PTPRM: variants seen among roughly 807,000 people sequenced by gnomAD.
PTPRM encodes the protein protein tyrosine phosphatase receptor type M, also known as receptor-type tyrosine-protein phosphatase mu.
A neutral mutation model predicts 186.7 loss-of-function variants in PTPRM; 47 were observed. The observed-to-expected ratio is 0.25, with a 90% CI of 0.20 to 0.32. The LOEUF (loss-of-function observed/expected upper bound fraction) is 0.32, where lower values mean the gene tolerates loss of function less well. Among genes scored for constraint, PTPRM ranks in the 10% least tolerant of loss-of-function variants. The pLI is 1.00. For synonymous variants in PTPRM, 668 were observed against 674.9 expected (o/e 0.99, Z 0.16); for missense variants, 1,494 against 1,865.0 (o/e 0.80, Z 3.66).
At chr18:8,212,963 G>T (rs371413382) in intron 14 of PTPRM, among the ~76,000 whole-genome samples, 1 of 152,088 alleles carries the variant, frequency 6.6e-6, no homozygotes, top group African/African-American at 2.4e-5. Flanking sequence ...CATCTGCTGG[G>T]TTTCATGCAG....
chr18:8,108,157 C>T (rs1393239534), intron 11 of PTPRM, among the ~76,000 whole-genome samples: 1 of 151,990 alleles, frequency 6.6e-6, no homozygotes, highest in African/African-American at 2.4e-5. Flanking sequence ...TTCATCTCCC[C>T]CCATATTAAT....
chr18:7,856,796 A>G (rs1242280002), intron 2 of PTPRM, among the ~76,000 whole-genome samples: 2 of 151,706 alleles, frequency 1.3e-5, no homozygotes, highest in Non-Finnish European at 2.9e-5. Flanking sequence ...CACTACTGTT[A>G]TCTCCATATC....
intron 23 of PTPRM, among the ~76,000 whole-genome samples, chr18:8,355,687 A>C (rs895011100): frequency 3.9e-5 from 6 of 152,216 alleles, no homozygotes; most frequent in African/African-American, 1.4e-4. Flanking sequence ...GTGTTTTCAG[A>C]CTGATGGCCT....
At chr18:7,807,712 A>G (rs2145435465) in intron 2 of PTPRM, among the ~76,000 whole-genome samples, 2 of 152,372 alleles carry the variant, frequency 1.3e-5, no homozygotes, top group Admixed American at 1.3e-4. Flanking sequence ...TAAACATAGC[A>G]TAATTGGCTA....
At chr18:7,763,407 T>C (rs1430817848) in intron 1 of PTPRM, among the ~76,000 whole-genome samples, 8 of 152,306 alleles carry the variant, frequency 5.3e-5, no homozygotes, top group African/African-American at 1.7e-4. Flanking sequence ...GATTTCTCTG[T>C]CATATGCCCC....
At position 8,237,010 on chromosome 18, in the gene PTPRM, T is replaced by C. The variant is rs755113473; in HGVS notation, c.2301-7048T>C. On this transcript the variant is annotated intron_variant, in intron 14 of 32. Transcript: ENST00000580170. ...TTTTATATTATCCCATTTTGTCTTCTTTATTAGTTTAATGTTTTGTTACTT... is the reference window on the plus strand; with the variant it reads ...TTTTATATTATCCCATTTTGTCTTCCTTATTAGTTTAATGTTTTGTTACTT... 1.3e-4 allele frequency among the ~76,000 whole-genome samples: 20 copies of C among 152,232 alleles called. 1 individual carries two copies. Among genetic ancestry groups the C allele is most frequent in the Admixed American group, 5.2e-4 (8 of 15,278 alleles).
intron 1 of PTPRM, among the ~76,000 whole-genome samples, chr18:7,595,333 A>G (rs1019278433): frequency 2.2e-4 from 34 of 152,152 alleles, no homozygotes; most frequent in African/African-American, 7.0e-4. Flanking sequence ...AGCAACATTG[A>G]TGCTTTCCTG....
At chr18:7,909,343 G>A (rs765361954) in intron 4 of PTPRM, among the ~76,000 whole-genome samples, 3 of 152,136 alleles carry the variant, frequency 2.0e-5, no homozygotes, top group Non-Finnish European at 4.4e-5. Context: ...ATTGGCTTTG[G>A]GAACTGCTGT....
intron 23 of PTPRM, among the ~76,000 whole-genome samples, chr18:8,344,584 A>G (rs1431754093): frequency 1.3e-5 from 2 of 151,848 alleles, no homozygotes; most frequent in Non-Finnish European, 2.9e-5. Flanking sequence ...TCACATGCAT[A>G]TGCAAATATA....
chr18:7,786,837 A>G (rs2043119622), intron 2 of PTPRM, among the ~76,000 whole-genome samples: 2 of 152,238 alleles, frequency 1.3e-5, no homozygotes, highest in African/African-American at 2.4e-5. Flanking sequence ...TAACACTGCA[A>G]TCAATGCTTG....
At position 7,825,442 on chromosome 18, in the gene PTPRM, A is replaced by G. The variant is rs534893766; in HGVS notation, c.196+51171A>G. Reference sequence around the variant, plus strand: ...GCACTATGAACTGAGAAAGTTTGGCAACTTCTGCTCTAACGGTATAATGAA... The same window carrying G: ...GCACTATGAACTGAGAAAGTTTGGCGACTTCTGCTCTAACGGTATAATGAA... On this transcript the variant is annotated intron_variant, in intron 2 of 32. Transcript: ENST00000580170. Among the ~76,000 whole-genome samples, 6 of 152,326 alleles carry G rather than the reference A, an allele frequency of 3.9e-5. No individual in the cohort carries two copies. In the East Asian group the frequency reaches 9.6e-4, roughly 24 times the overall value.
At chr18:8,241,704 T>C (rs2094436168) in intron 14 of PTPRM, among the ~76,000 whole-genome samples, 1 of 152,220 alleles carries the variant, frequency 6.6e-6, no homozygotes, top group Non-Finnish European at 1.5e-5. Context: ...ATTACTTGCC[T>C]GGTCCCAGGG....
chr18:7,758,053 TC>T (rs1390229151), intron 1 of PTPRM, among the ~76,000 whole-genome samples: 3 of 152,128 alleles, frequency 2.0e-5, no homozygotes, highest in Non-Finnish European at 4.4e-5. Context: ...CCAACCTCAC[TC>T]CCAACAATTC....
intron 23 of PTPRM, among the ~76,000 whole-genome samples, chr18:8,364,445 T>C (rs1300761908): frequency 1.3e-5 from 2 of 152,280 alleles, no homozygotes; most frequent in East Asian, 1.9e-4. Flanking sequence ...ACCAGAGCAA[T>C]CTGTGTTCTC....
At chr18:7,922,955 C>A (rs569468017) in intron 4 of PTPRM, among the ~76,000 whole-genome samples, 1 of 152,080 alleles carries the variant, frequency 6.6e-6, no homozygotes, top group East Asian at 1.9e-4. Context: ...TTTTGGCACC[C>A]GCTAATTTTT....
intron 4 of PTPRM, among the ~76,000 whole-genome samples, chr18:7,914,905 C>T (rs1057080335): frequency 2.0e-5 from 3 of 152,022 alleles, no homozygotes; most frequent in Non-Finnish European, 4.4e-5. Flanking sequence ...GCATGCATCC[C>T]GTACATTTCA....
At chr18:7,772,411 C>CTTTCT (rs1722521398) in intron 1 of PTPRM, among the ~76,000 whole-genome samples, 2 of 86,182 alleles carry the variant, frequency 2.3e-5, no homozygotes, top group Admixed American at 1.2e-4. Flanking sequence ...TTCTTTCTTT[C>CTTTCT]TTTTCTTTCT....
At chr18:8,063,107 G>A (rs1291147186) in intron 7 of PTPRM, among the ~76,000 whole-genome samples, 1 of 151,528 alleles carries the variant, frequency 6.6e-6, no homozygotes, top group Non-Finnish European at 1.5e-5. Context: ...GGCAATCAGC[G>A]AGACTCCGTG....
intron 1 of PTPRM, among the ~76,000 whole-genome samples, chr18:7,748,292 G>A (rs75830218): frequency 6.5e-4 from 99 of 152,352 alleles, no homozygotes; most frequent in African/African-American, 2.3e-3. Flanking sequence ...AGTTTAAAGA[G>A]TTACATGTGG....
Sources: gnomAD v4.1 joint callset for allele counts (sites outside exome capture counted in the v4.1 genomes callset) on GRCh38, gnomAD v4.1.1 for gene constraint, MANE v1.5 for transcripts, NCBI Gene and HGNC (gene_info 2026-07-23, HGNC 2026-07-21) for gene names.